COL17A1: variants seen among roughly 807,000 people sequenced by gnomAD.
COL17A1 encodes collagen alpha-1(XVII) chain.
Under a neutral mutation model 218.4 loss-of-function variants are expected in COL17A1, and 181 were observed. That is an observed-to-expected ratio of 0.83 (90% CI 0.73 to 0.94). COL17A1 has a LOEUF of 0.94. COL17A1 is among the 40% of genes least tolerant of loss of function. The probability of loss-of-function intolerance (pLI) is 0.00; values close to 1 mark genes in which losing one functional copy is unlikely to be tolerated. For missense variants in COL17A1, 1,924 were observed against 1,945.9 expected (o/e 0.99, Z 0.21); for synonymous variants, 721 against 731.0 (o/e 0.99, Z 0.22).
chr10:104,039,472 C>T lies in COL17A1; in HGVS notation c.2869G>A (p.Gly957Ser). The T allele has an allele frequency of 6.2e-7, 1 of 1,614,130 alleles. No homozygotes were observed. Among genetic ancestry groups the T allele is most frequent in the Non-Finnish European group, 8.5e-7 (1 of 1,179,996 alleles). The change falls in exon 43 of 56, where the codon GGC (glycine) becomes AGC (serine). Residue 957 changes from glycine (G) to serine (S), a missense_variant. Gly to Ser is a moderately conservative substitution (Grantham distance 56, BLOSUM62 0). Coordinates refer to ENST00000648076, the MANE Select transcript of COL17A1 (RefSeq NM_000494.4). ...TTGTCACCTTTGGGTCCCTGGGGGC[C>T]AGGTGGGCCTGGTGGTCCCTGAAGG... ...LNLQGPPGPP[G>S]PQGPKGDKGD...
chr10:104,060,054 G>A (rs2086568049), intron 14 of COL17A1, 65 bp downstream of exon 14: 10 of 1,609,818 alleles, frequency 6.2e-6, no homozygotes, highest in Non-Finnish European at 8.5e-6. Flanking sequence ...ACCTTGCTAG[G>A]ACATTTGGTC....
At chr10:104,058,336 C>A (rs1055990316) in intron 15 of COL17A1, 146 bp from the exon 16 acceptor site, 3 of 954,272 alleles carry the variant, frequency 3.1e-6, no homozygotes, top group Non-Finnish European at 4.8e-6. Flanking sequence ...TCAGTCCTCA[C>A]TAATCTGATA....
Position 104,038,497 on chromosome 10 carries a change from G to T in COL17A1, c.2979C>A (p.Gly993=). The T allele has an allele frequency of 6.2e-7, 1 of 1,613,642 alleles. No individual in the cohort carries two copies. The highest frequency in any genetic ancestry group is 1.3e-5 in the African/African-American group (1 of 75,038). The change falls in exon 45 of 56, where the codon GGC becomes GGA. Residue 993 remains glycine, a synonymous_variant. Transcript: ENST00000648076. ...CAGGGGGCCCAGGGGGCCCTGGCGGGCCTGACACGTACATGGTACTTGATG... is the reference window on the plus strand; with the variant it reads ...CAGGGGGCCCAGGGGGCCCTGGCGGTCCTGACACGTACATGGTACTTGATG... ...GGSSSTMYVS[G]PPGPPGPPGP...
At chr10:104,056,350 A>T (rs909125037) in intron 17 of COL17A1, among the ~76,000 whole-genome samples, 1 of 152,148 alleles carries the variant, frequency 6.6e-6, no homozygotes, top group African/African-American at 2.4e-5. Flanking sequence ...TGGGAGGCCA[A>T]GGGGGGCAGA....
In COL17A1 at chr10:104,043,525, G is replaced by T. The variant is rs1056995078; in HGVS notation, c.2491C>A (p.Pro831Thr). 2.5e-6 allele frequency: 4 copies of T among 1,610,828 alleles called. No individual in the cohort carries two copies. Among genetic ancestry groups the T allele is most frequent in the Non-Finnish European group, 3.4e-6 (4 of 1,179,964 alleles). ...GPPGPPGAMG[P>T]PGPPGAPGPA... ...CCTGGGGCACCTGGAGGTCCTGGGG[G>T]TCCCATGGCTCCAGGAGGTCCTGGG... The change falls in exon 35 of 56, where the codon CCC becomes ACC. Residue 831 changes from proline (P) to threonine (T), a missense_variant. Transcript: ENST00000648076.
chr10:104,061,341 A>G (rs1589570930), intron 13 of COL17A1, 64 bp downstream of exon 13: 1 of 1,475,908 alleles, frequency 6.8e-7, no homozygotes. Flanking sequence ...CACAGGCAGG[A>G]TTACTGCAGA....
intron 10 of COL17A1, 85 bp downstream of exon 10, chr10:104,064,353 C>T: frequency 1.9e-6 from 3 of 1,604,938 alleles, no homozygotes; most frequent in Non-Finnish European, 2.6e-6. Context: ...CTGAGGATGG[C>T]AAACATTCTG....
chr10:104,039,379 G>T, intron 43 of COL17A1, 66 bp downstream of exon 43: 1 of 1,519,458 alleles, frequency 6.6e-7, no homozygotes, highest in Non-Finnish European at 9.1e-7. Context: ...ATCTCTTCAG[G>T]CTCTGGGCTC....
intron 18 of COL17A1, 79 bp from the exon 19 acceptor site, chr10:104,055,480 ACAAT>A (rs1212376408): frequency 1.1e-5 from 17 of 1,505,920 alleles, no homozygotes; most frequent in Non-Finnish European, 1.5e-5. Context: ...ACACACACAC[ACAAT>A]AAGGGGATCA....
At position 104,034,616 on chromosome 10, in the gene COL17A1, C is replaced by T. The variant is rs2086256523; in HGVS notation, c.3766+5G>A. 2 of 1,609,300 alleles carry T rather than the reference C, an allele frequency of 1.2e-6. No individual in the cohort carries two copies. Among genetic ancestry groups the T allele is most frequent in the Non-Finnish European group, 1.7e-6 (2 of 1,177,916 alleles). On this transcript the variant is annotated splice_donor_5th_base_variant and intron_variant, in intron 51 of 55. Transcript: ENST00000648076. ...CTGGTGGGGCATCACCGTCGGGGCA[C>T]CTACTTGTGAGGTAGCTGATCAGCT...
rs1186288476 is a variant in COL17A1 at position 104,039,725 on chromosome 10, T to C, written c.2789-85A>G. The C allele has an allele frequency of 7.1e-5, 112 of 1,582,910 alleles. 2 individuals are homozygous for C. The East Asian group carries it at 2.4e-3, about 33-fold the overall frequency. The stretch of plus-strand genomic sequence containing the variant: ...TGTAGAGCCTCCCCAAGATCCATGA[T>C]TGCTGGGGCTGCGTTGCCCTTTGGG... On this transcript the variant is annotated intron_variant, in intron 41 of 55. Transcript: ENST00000648076.
chr10:104,045,872 G>T (rs1033933569), intron 32 of COL17A1, 79 bp from the exon 33 acceptor site: 10 of 1,155,764 alleles, frequency 8.7e-6, no homozygotes, highest in Non-Finnish European at 1.3e-5. Flanking sequence ...CTAGTGCTCC[G>T]TCACTCAGCA....
Position 104,033,314 on chromosome 10 carries a change from T to A in COL17A1, c.4218A>T (p.Pro1406=), listed in dbSNP as rs1308557010. The A allele has an allele frequency of 6.2e-7, 1 of 1,607,050 alleles. No homozygotes were observed. Among genetic ancestry groups the A allele is most frequent in the Non-Finnish European group, 8.5e-7 (1 of 1,176,864 alleles). Residue 1406 remains proline, a synonymous_variant, in exon 53 of 56, where the codon CCA becomes CCT. Transcript: ENST00000648076. ...CCTTGCTGATGCCGGGTGGCCCCTG[T>A]GGCCCAGGCTGGCCTGGTGGGCCCT... The part of the protein sequence containing the change: ...TVQGPPGQPG[P]QGPPGISKVF...
chr10:104,071,433 T>C (rs570860476), intron 8 of COL17A1, among the ~76,000 whole-genome samples: 1 of 152,226 alleles, frequency 6.6e-6, no homozygotes, highest in African/African-American at 2.4e-5. Context: ...TGTCCTAAAG[T>C]TGAGCTCATT....
intron 9 of COL17A1, 74 bp from the exon 10 acceptor site, chr10:104,064,670 A>G (rs763489234): frequency 1.2e-5 from 17 of 1,410,130 alleles, no homozygotes; most frequent in Non-Finnish European, 1.7e-5. Context: ...TAGTCACCTC[A>G]TTTTGCTGGG....
Position 104,047,770 on chromosome 10 carries a change from T to C in COL17A1, c.2304A>G (p.Pro768=). The C allele has an allele frequency of 6.2e-7, 1 of 1,614,212 alleles. No homozygotes were observed. The highest frequency in any genetic ancestry group is 8.5e-7 in the Non-Finnish European group (1 of 1,180,026). Residue 768 remains proline (P), a synonymous_variant, in exon 31 of 56, where the codon CCA becomes CCG. Transcript: ENST00000648076. The part of the protein sequence containing the change: ...GLTGMPGIRG[P]PGPSGDPGKP... ...TTCCTGGGTCTCCAGAAGGTCCTGG[T>C]GGGCCACGGATTCCAGGCATCCCAG...
At chr10:104,032,598 A>G (rs1190810561) in intron 55 of COL17A1, 76 bp downstream of exon 55, 1 of 1,469,472 alleles carries the variant, frequency 6.8e-7, no homozygotes, top group South Asian at 1.1e-5. Context: ...CTCTGGAACA[A>G]ATCACCTGCT....
At chr10:104,075,235 T>G (rs987154026) in intron 5 of COL17A1, among the ~76,000 whole-genome samples, 2 of 152,126 alleles carry the variant, frequency 1.3e-5, no homozygotes, top group Non-Finnish European at 2.9e-5. Flanking sequence ...GGGCCCTGAC[T>G]TCTTCCCTGA....
intron 9 of COL17A1, among the ~76,000 whole-genome samples, chr10:104,067,356 A>AAAAAAAC (rs2086635264): frequency 6.7e-6 from 1 of 148,532 alleles, no homozygotes; most frequent in Non-Finnish European, 1.5e-5. Context: ...AAAAAAAAAA[A>AAAAAAAC]AATCAGGATT....
Sources: gnomAD v4.1 joint callset for allele counts (sites outside exome capture counted in the v4.1 genomes callset) on GRCh38, gnomAD v4.1.1 for gene constraint, MANE v1.5 for transcripts, NCBI Gene and HGNC (gene_info 2026-07-23, HGNC 2026-07-21) for gene names.